The following TMEM233 variants were observed in gnomAD, a reference collection of about 807,000 sequenced individuals.
The protein encoded by TMEM233 is transmembrane protein 233.
A neutral mutation model predicts 11.2 loss-of-function variants in TMEM233; 6 were observed. The observed-to-expected ratio is 0.54, with a 90% confidence interval of 0.29 to 1.06. The LOEUF is 1.06. Ranked by LOEUF, TMEM233 falls within the 50% of genes least tolerant of loss-of-function variation. The pLI, the probability that TMEM233 is intolerant of heterozygous loss-of-function variation, is 0.08. For synonymous variants in TMEM233, 59 were observed against 55.8 expected (o/e 1.06, Z -0.26); for missense variants, 127 against 144.7 (o/e 0.88, Z 0.63).
chr12:119,650,038 C>G, the TMEM233 span, among the ~76,000 whole-genome samples: 22 of 151,620 alleles, frequency 1.5e-4, no homozygotes, highest in Non-Finnish European at 2.9e-4. Flanking sequence ...GGCGCCTGTA[C>G]TCCCAGCTAC....
chr12:119,609,335 A>G (rs1954347365), intron 1 of TMEM233, among the ~76,000 whole-genome samples: 1 of 152,248 alleles, frequency 6.6e-6, no homozygotes, highest in African/African-American at 2.4e-5. Flanking sequence ...GAAGTAGAGC[A>G]TAAAAGTTTG....
intron 1 of TMEM233, among the ~76,000 whole-genome samples, chr12:119,622,231 G>A (rs181216477): frequency 5.9e-5 from 9 of 152,176 alleles, no homozygotes; most frequent in Admixed American, 3.3e-4. Context: ...TTATTCATGC[G>A]GGGAAAAAAT....
chr12:119,637,173 T>G (rs1336189340), intron 2 of TMEM233, among the ~76,000 whole-genome samples: 1 of 152,248 alleles, frequency 6.6e-6, no homozygotes, highest in African/African-American at 2.4e-5. Flanking sequence ...CATAAATAGT[T>G]GATCTGCCAC....
chr12:119,608,422 C>T (rs186058610), intron 1 of TMEM233, among the ~76,000 whole-genome samples: 7 of 152,316 alleles, frequency 4.6e-5, no homozygotes, highest in Admixed American at 3.3e-4. Flanking sequence ...GATTTCTTGT[C>T]CACATTCATG....
At chr12:119,628,415 C>A (rs1277338664) in intron 1 of TMEM233, among the ~76,000 whole-genome samples, 1 of 151,766 alleles carries the variant, frequency 6.6e-6, no homozygotes, top group Non-Finnish European at 1.5e-5. Flanking sequence ...CCTGCCTCGA[C>A]CTCCCAAAGT....
At chr12:119,652,440 T>TA in the TMEM233 span, among the ~76,000 whole-genome samples, 1 of 152,068 alleles carries the variant, frequency 6.6e-6, no homozygotes, top group African/African-American at 2.4e-5. Context: ...TGAGAACAAC[T>TA]AAAAACTGGA....
chr12:119,631,895 G>A (rs2136781358), intron 2 of TMEM233, among the ~76,000 whole-genome samples: 1 of 152,282 alleles, frequency 6.6e-6, no homozygotes, highest in East Asian at 1.9e-4. Flanking sequence ...TTTAGTGGGT[G>A]CACAAAAATG....
At chr12:119,596,526 C>G (rs1448495589) in intron 1 of TMEM233, among the ~76,000 whole-genome samples, 21 of 127,394 alleles carry the variant, frequency 1.6e-4, no homozygotes, top group African/African-American at 6.1e-4. Flanking sequence ...GAGTCTTGCT[C>G]TGTCACCCAG....
intron 1 of TMEM233, among the ~76,000 whole-genome samples, chr12:119,619,338 T>C (rs1321307270): frequency 6.6e-6 from 1 of 152,124 alleles, no homozygotes; most frequent in African/African-American, 2.4e-5. Context: ...CATAGAAGCA[T>C]ACACATATGA....
chr12:119,641,136 A>G lies in TMEM233; in HGVS notation c.*431A>G, dbSNP rs926017587. 8 of 167,596 alleles carry G rather than the reference A, an allele frequency of 4.8e-5. No individual in the cohort carries two copies. Among genetic ancestry groups the G allele is most frequent in the Admixed American group, 4.2e-4 (7 of 16,524 alleles). The allele number at this position is 167,596 out of a possible 1,614,324, so 10.4% of individuals were successfully genotyped here. ...GGTGCTGGTATTTACAATGTTGAGCACAAACATTTGCAGCATGTTTAAAAT... is the reference window on the plus strand; with the variant it reads ...GGTGCTGGTATTTACAATGTTGAGCGCAAACATTTGCAGCATGTTTAAAAT... On this transcript the variant is annotated 3_prime_UTR_variant, in exon 3 of 3. Coordinates refer to ENST00000426426, the MANE Select transcript of TMEM233 (RefSeq NM_001136534.3).
the TMEM233 span, among the ~76,000 whole-genome samples, chr12:119,649,875 A>AAAT: frequency 1.2e-3 from 178 of 148,430 alleles, 8 homozygotes; most frequent in South Asian, 0.037. Flanking sequence ...AAAAAAAAAA[A>AAAT]GGGCCGGGCG....
intron 1 of TMEM233, among the ~76,000 whole-genome samples, chr12:119,617,744 A>C (rs746202141): frequency 2.0e-5 from 3 of 152,112 alleles, no homozygotes; most frequent in Non-Finnish European, 2.9e-5. Context: ...GAGGCAAGAG[A>C]ACTGCTTGAA....
At chr12:119,599,434 T>TA (rs5801352) in intron 1 of TMEM233, among the ~76,000 whole-genome samples, 65,084 of 151,754 alleles carry the variant, frequency 0.43, 15,463 homozygotes, top group East Asian at 0.65. Context: ...CCCAGAATTT[T>TA]AAAAAAAATC....
chr12:119,612,096 T>A (rs896141385), intron 1 of TMEM233, among the ~76,000 whole-genome samples: 6 of 151,838 alleles, frequency 4.0e-5, no homozygotes, highest in African/African-American at 1.5e-4. Flanking sequence ...CGGGTTCAAG[T>A]GACTCTCCTG....
At chr12:119,596,747 C>T (rs1161767875) in intron 1 of TMEM233, among the ~76,000 whole-genome samples, 3 of 152,148 alleles carry the variant, frequency 2.0e-5, no homozygotes, top group South Asian at 2.1e-4. Context: ...CCCGCCTCAG[C>T]CTCCCAGAGT....
intron 1 of TMEM233, among the ~76,000 whole-genome samples, chr12:119,607,733 G>A (rs551736170): frequency 6.6e-6 from 1 of 151,424 alleles, no homozygotes; most frequent in Non-Finnish European, 1.5e-5. Flanking sequence ...CCCATCCTCA[G>A]GCCCCCAAGT....
chr12:119,612,478 G>T (rs561774177), intron 1 of TMEM233, among the ~76,000 whole-genome samples: 1 of 152,280 alleles, frequency 6.6e-6, no homozygotes, highest in East Asian at 1.9e-4. Flanking sequence ...GCTGGGCGAA[G>T]TGGTTCATGC....
intron 1 of TMEM233, among the ~76,000 whole-genome samples, chr12:119,625,312 C>T (rs79315508): frequency 0.018 from 2,704 of 151,954 alleles, 28 homozygotes; most frequent in South Asian, 0.033. Flanking sequence ...AAGAGGTTCT[C>T]AGTGAAATCT....
At chr12:119,601,694 T>G (rs1954171151) in intron 1 of TMEM233, among the ~76,000 whole-genome samples, 1 of 150,534 alleles carries the variant, frequency 6.6e-6, no homozygotes, top group African/African-American at 2.4e-5. Flanking sequence ...AAAGATGACT[T>G]CAAAAATCCT....
Sources: gnomAD v4.1 joint callset for allele counts (sites outside exome capture counted in the v4.1 genomes callset) on GRCh38, gnomAD v4.1.1 for gene constraint, MANE v1.5 for transcripts, NCBI Gene and HGNC (gene_info 2026-07-23, HGNC 2026-07-21) for gene names.